Variants in CASTOR2 observed in about 807,000 individuals in gnomAD.
CASTOR2 encodes GATS protein like 2.
Under a neutral mutation model 31.2 loss-of-function variants are expected in CASTOR2, and 8 were observed. The ratio of observed to expected loss-of-function variants is 0.26; its 90% CI spans 0.15 to 0.46. The LOEUF (loss-of-function observed/expected upper bound fraction) is 0.46, where lower values mean the gene tolerates loss of function less well. CASTOR2 is among the 20% of genes least tolerant of loss of function. CASTOR2 has a pLI of 0.99. For synonymous variants in CASTOR2, 162 were observed against 158.7 expected, an observed-to-expected ratio of 1.02 and a Z score of -0.16; for missense variants, 216 against 382.1, an observed-to-expected ratio of 0.57 and a Z score of 3.62.
In CASTOR2 at chr7:75,028,533, A is replaced by G. The variant is rs1805206469; in HGVS notation, c.*3834A>G. 6.6e-6 allele frequency among the ~76,000 whole-genome samples: 1 copy of G among 151,506 alleles called. No homozygotes were observed. Among genetic ancestry groups the G allele is most frequent in the Non-Finnish European group, 1.5e-5 (1 of 67,912 alleles). ...ATTAAGAAAAGCTCAGATAGTCTCAACCCCACCCTCTCCCCTTGCTGCACT... is the reference window on the plus strand; with the variant it reads ...ATTAAGAAAAGCTCAGATAGTCTCAGCCCCACCCTCTCCCCTTGCTGCACT... On this transcript the variant is annotated 3_prime_UTR_variant, in exon 9 of 9. Coordinates refer to ENST00000616305, the MANE Select transcript of CASTOR2 (RefSeq NM_001145064.3).
In CASTOR2 at chr7:75,008,021, G is replaced by A. The variant is rs1554438947; in HGVS notation, c.141G>A (p.Thr47=). 5,087 of 1,613,724 alleles carry A rather than the reference G, an allele frequency of 3.2e-3. 129 individuals are homozygous for A. The African/African-American group carries it at 0.056, about 18-fold the overall frequency. ...TRCKFFSLTE[T]PEDYTIIVDE... ...GCAAGTTCTTCAGTCTGACTGAGACGCCAGAGGATTACACTATCATTGTCG... is the reference window on the plus strand; with the variant it reads ...GCAAGTTCTTCAGTCTGACTGAGACACCAGAGGATTACACTATCATTGTCG... Residue 47 remains threonine, a synonymous_variant, in exon 2 of 9, where the codon ACG becomes ACA. Coordinates refer to ENST00000616305, the MANE Select transcript of CASTOR2 (RefSeq NM_001145064.3).
intron 1 of CASTOR2, among the ~76,000 whole-genome samples, chr7:74,983,213 T>C (rs1205219357): frequency 1.5e-5 from 2 of 135,480 alleles, no homozygotes; most frequent in African/African-American, 2.8e-5. Flanking sequence ...GGTTTCGCCA[T>C]GTTGGCCAGG....
At chr7:74,987,107 G>T (rs1257582810) in intron 1 of CASTOR2, among the ~76,000 whole-genome samples, 2 of 151,434 alleles carry the variant, frequency 1.3e-5, no homozygotes, top group Non-Finnish European at 2.9e-5. Context: ...AGTGTTTGTT[G>T]TCTAAAGCCA....
chr7:74,971,028 C>G (rs1393637497), intron 1 of CASTOR2, among the ~76,000 whole-genome samples: 1 of 150,820 alleles, frequency 6.6e-6, no homozygotes, highest in Non-Finnish European at 1.5e-5. Flanking sequence ...TGGAGTCTCA[C>G]TTGGTCGCCC....
chr7:75,019,105 C>T lies in CASTOR2; in HGVS notation c.635+10C>T, dbSNP rs1346645283. The T allele has an allele frequency of 2.6e-6, 4 of 1,551,664 alleles. No individual in the cohort carries two copies. In the African/African-American group the frequency reaches 5.5e-5, roughly 21 times the overall value. On this transcript the variant is annotated intron_variant, in intron 5 of 8. Transcript: ENST00000616305. ...TGTTCTACTCCAATGGGTAGGGCTG[C>T]CTTGGGCATGAGGGGTTGCAGGGTG...
intron 2 of CASTOR2, among the ~76,000 whole-genome samples, chr7:75,010,540 C>G (rs1321101652): frequency 6.6e-6 from 1 of 152,020 alleles, no homozygotes; most frequent in Non-Finnish European, 1.5e-5. Flanking sequence ...TCGGCTGGCC[C>G]AGGGAAGGAA....
At chr7:74,973,273 A>G (rs1203255064) in intron 1 of CASTOR2, among the ~76,000 whole-genome samples, 1 of 146,660 alleles carries the variant, frequency 6.8e-6, no homozygotes, top group East Asian at 2.1e-4. Context: ...TGAGGGCTTG[A>G]TGAGATAAAC....
At position 75,018,823 on chromosome 7, in the gene CASTOR2, TTGG is replaced by T. The variant is rs1165432593; in HGVS notation, c.512-144_512-142del. ...AGATGGAGAATCAGGACGGTGGTAA[TTGG>T]TGGTAGAGGCTGGAGAAGCAGCGGT... On this transcript the variant is annotated intron_variant, in intron 4 of 8. Transcript: ENST00000616305. The T allele has an allele frequency of 2.7e-5, 35 of 1,296,714 alleles. No homozygotes were observed. The African/African-American group carries it at 4.1e-4, about 15-fold the overall frequency. The allele number at this position is 1,296,714 out of a possible 1,614,324, so 80.3% of individuals were successfully genotyped here.
At chr7:75,024,016 G>A (rs996359390) in intron 7 of CASTOR2, among the ~76,000 whole-genome samples, 7 of 152,238 alleles carry the variant, frequency 4.6e-5, no homozygotes, top group East Asian at 1.9e-4. Flanking sequence ...GGCCAGGCAC[G>A]GTGGCTCACG....
chr7:75,016,919 C>T lies in CASTOR2; in HGVS notation c.185-679C>T, dbSNP rs1350543364. On this transcript the variant is annotated intron_variant, in intron 2 of 8. Transcript: ENST00000616305. ...CAGTGGCTCACGCCTGTAATCCTAG[C>T]GCTTTGGGAGGCCAAGGCAGGAGGA... 2.6e-5 allele frequency among the ~76,000 whole-genome samples: 4 copies of T among 152,320 alleles called. No individual in the cohort carries two copies. In the East Asian group the frequency reaches 5.8e-4, roughly 22 times the overall value.
Position 74,998,422 on chromosome 7 carries a change from G to T in CASTOR2, c.114-9572G>T, listed in dbSNP as rs1584468474. Among the ~76,000 whole-genome samples, 4 of 152,176 alleles carry T rather than the reference G, an allele frequency of 2.6e-5. No homozygotes were observed. The South Asian group carries it at 8.3e-4, about 32-fold the overall frequency. The stretch of plus-strand genomic sequence containing the variant: ...GGTTGGAGACCAGCCTGGCCAACAT[G>T]GCGAAACCCCATCTCTACTAAAAAT... On this transcript the variant is annotated intron_variant, in intron 1 of 8. Transcript: ENST00000616305.
rs1417945550 is a variant in CASTOR2, at chr7:75,028,439, T to G, written c.*3740T>G. Reference sequence around the variant, plus strand: ...CCCGGCCTCATGGAATTTCTAGGGGTGAGCAGGTGACCCTGGGGCTGCCAC... The same window carrying G: ...CCCGGCCTCATGGAATTTCTAGGGGGGAGCAGGTGACCCTGGGGCTGCCAC... On this transcript the variant is annotated 3_prime_UTR_variant, in exon 9 of 9. Coordinates refer to ENST00000616305, the MANE Select transcript of CASTOR2 (RefSeq NM_001145064.3). 6.6e-6 allele frequency among the ~76,000 whole-genome samples: 1 copy of G among 152,006 alleles called. No individual in the cohort carries two copies. Among genetic ancestry groups the G allele is most frequent in the East Asian group, 1.9e-4 (1 of 5,152 alleles).
Position 75,030,444 on chromosome 7 carries a change from G to A in CASTOR2, c.*5745G>A, listed in dbSNP as rs1220351967. 6.6e-6 allele frequency among the ~76,000 whole-genome samples: 1 copy of A among 152,254 alleles called. No homozygotes were observed. Among genetic ancestry groups the A allele is most frequent in the Non-Finnish European group, 1.5e-5 (1 of 68,020 alleles). The stretch of plus-strand genomic sequence containing the variant: ...GAGGGTGGGGCGTCTCTGGTAGGAC[G>A]GCCTCACCCCACTTGTCAGAACTAC... On this transcript the variant is annotated 3_prime_UTR_variant, in exon 9 of 9. Coordinates refer to ENST00000616305, the MANE Select transcript of CASTOR2 (RefSeq NM_001145064.3).
chr7:74,977,753 T>A (rs1803854866), intron 1 of CASTOR2, among the ~76,000 whole-genome samples: 1 of 150,252 alleles, frequency 6.7e-6, no homozygotes, highest in South Asian at 2.1e-4. Context: ...CTCAGCTCAC[T>A]CCAGCCTCGA....
chr7:75,003,255 G>A (rs1449321405), intron 1 of CASTOR2, among the ~76,000 whole-genome samples: 24 of 152,138 alleles, frequency 1.6e-4, no homozygotes, highest in Non-Finnish European at 2.6e-4. Flanking sequence ...AAGACCAGTC[G>A]GGGCAACATA....
rs1367957265 is a variant in CASTOR2, at chr7:75,028,697, C to A, written c.*3998C>A. ...TCCTCCCTCAGCCCGTCGTCCTAAC[C>A]CAGCAAAGATCTGGGCATTGCTGAC... On this transcript the variant is annotated 3_prime_UTR_variant, in exon 9 of 9. Coordinates refer to ENST00000616305, the MANE Select transcript of CASTOR2 (RefSeq NM_001145064.3). Among the ~76,000 whole-genome samples the A allele has an allele frequency of 3.3e-5, 5 of 152,162 alleles. No homozygotes were observed. Among genetic ancestry groups the A allele is most frequent in the African/African-American group, 1.2e-4 (5 of 41,422 alleles).
At chr7:74,965,896 T>A (rs1240570602) in intron 1 of CASTOR2, among the ~76,000 whole-genome samples, 5 of 38,566 alleles carry the variant, frequency 1.3e-4, no homozygotes, top group Non-Finnish European at 2.4e-4. Context: ...TCTCTCTCTC[T>A]CTCTCTCTCT....
chr7:74,981,786 G>A (rs1803950695), intron 1 of CASTOR2, among the ~76,000 whole-genome samples: 2 of 147,990 alleles, frequency 1.4e-5, no homozygotes, highest in Non-Finnish European at 3.0e-5. Flanking sequence ...TGAAATCAAG[G>A]CCCGGTGCGG....
intron 2 of CASTOR2, among the ~76,000 whole-genome samples, chr7:75,014,419 C>CAAAAAAAAAAA (rs1193842037): frequency 7.0e-5 from 4 of 57,546 alleles, no homozygotes; most frequent in African/African-American, 1.7e-4. Flanking sequence ...ACTAAAAATA[C>CAAAAAAAAAAA]AAAAAAAAAA....
Sources: allele counts gnomAD v4.1 joint callset (sites outside exome capture counted in the v4.1 genomes callset), GRCh38; gene constraint gnomAD v4.1.1; transcripts MANE v1.5; gene names NCBI Gene and HGNC (gene_info 2026-07-23, HGNC 2026-07-21).